COL28A1: variants seen among roughly 807,000 people sequenced by gnomAD.
The protein encoded by COL28A1 is collagen type XXVIII alpha 1 chain, also known as collagen alpha-1(XXVIII) chain.
In COL28A1, 161 loss-of-function variants were observed where a neutral mutation model predicts 150.2. That is an observed-to-expected ratio of 1.07 (90% CI 0.94 to 1.22). COL28A1 has a LOEUF of 1.22. Among genes scored for constraint, COL28A1 ranks in the 50% most tolerant of loss-of-function variants. The pLI, the probability that COL28A1 is intolerant of heterozygous loss-of-function variation, is 0.00. For synonymous variants in COL28A1, 552 were observed against 469.7 expected, an observed-to-expected ratio of 1.18 and a Z score of -2.26; for missense variants, 1,617 against 1,388.3, an observed-to-expected ratio of 1.16 and a Z score of -2.62.
At chr7:7,425,229 G>GTC (rs1177640160) in intron 25 of COL28A1, among the ~76,000 whole-genome samples, 1 of 152,120 alleles carries the variant, frequency 6.6e-6, no homozygotes, top group Non-Finnish European at 1.5e-5. Flanking sequence ...AAACCAGGCA[G>GTC]TCTGAAGCAA....
At chr7:7,399,280 G>A (rs910539017) in intron 27 of COL28A1, among the ~76,000 whole-genome samples, 3 of 152,090 alleles carry the variant, frequency 2.0e-5, no homozygotes, top group Admixed American at 2.0e-4. Flanking sequence ...ACACATCCAA[G>A]AAGTCTTCCC....
intron 25 of COL28A1, among the ~76,000 whole-genome samples, chr7:7,421,906 C>T (rs924153394): frequency 6.6e-6 from 1 of 152,148 alleles, no homozygotes; most frequent in Non-Finnish European, 1.5e-5. Context: ...CCTACTGACT[C>T]CCATCTTTGA....
At chr7:7,374,463 A>C (rs1291376967) in intron 31 of COL28A1, among the ~76,000 whole-genome samples, 3 of 152,154 alleles carry the variant, frequency 2.0e-5, no homozygotes, top group Non-Finnish European at 4.4e-5. Flanking sequence ...GGCAGCTTTC[A>C]CGTTATCAAG....
intron 27 of COL28A1, among the ~76,000 whole-genome samples, chr7:7,396,180 T>C (rs922701440): frequency 4.6e-5 from 7 of 152,192 alleles, no homozygotes. Flanking sequence ...AGCAACCCAG[T>C]GGTCTGCCAT....
chr7:7,507,092 T>C (rs1780851671), intron 10 of COL28A1, 25 bp downstream of exon 10: 2 of 1,023,176 alleles, frequency 2.0e-6, no homozygotes, highest in Non-Finnish European at 3.1e-6. Flanking sequence ...TAATTCAAAC[T>C]TAGATTTGGT....
At chr7:7,427,899 A>C (rs956466450) in intron 25 of COL28A1, among the ~76,000 whole-genome samples, 2 of 152,198 alleles carry the variant, frequency 1.3e-5, no homozygotes, top group African/African-American at 4.8e-5. Context: ...GCATCTGTGG[A>C]TCAGGGTAAG....
At chr7:7,439,510 A>G (rs1192217751) in intron 21 of COL28A1, among the ~76,000 whole-genome samples, 1 of 152,204 alleles carries the variant, frequency 6.6e-6, no homozygotes, top group Non-Finnish European at 1.5e-5. Flanking sequence ...TTATACCATG[A>G]AAAGTATCAT....
chr7:7,438,381 TC>T (rs1295483386), intron 21 of COL28A1, among the ~76,000 whole-genome samples: 2 of 151,994 alleles, frequency 1.3e-5, no homozygotes, highest in Non-Finnish European at 2.9e-5. Context: ...ATTCTCCTGT[TC>T]CATCTGGATC....
At chr7:7,376,615 A>G (rs1405850041) in intron 30 of COL28A1, among the ~76,000 whole-genome samples, 2 of 152,258 alleles carry the variant, frequency 1.3e-5, no homozygotes, top group Non-Finnish European at 2.9e-5. Context: ...CCGAAACAAG[A>G]ACATGTACAG....
chr7:7,363,414 T>A (rs371885711), intron 33 of COL28A1, among the ~76,000 whole-genome samples: 10 of 152,330 alleles, frequency 6.6e-5, no homozygotes, highest in South Asian at 6.2e-4. Flanking sequence ...CAAAATTAAC[T>A]TTAATAAATG....
intron 27 of COL28A1, among the ~76,000 whole-genome samples, chr7:7,404,535 A>G (rs374045537): frequency 4.3e-4 from 65 of 152,016 alleles, no homozygotes; most frequent in African/African-American, 1.4e-3. Flanking sequence ...TCCTGCCTCT[A>G]TAGGACCTTT....
chr7:7,516,081 TC>T (rs992217290), intron 7 of COL28A1, among the ~76,000 whole-genome samples: 1 of 152,266 alleles, frequency 6.6e-6, no homozygotes, highest in African/African-American at 2.4e-5. Context: ...CAGGTATTTT[TC>T]CATATCCAGT....
chr7:7,425,775 C>T (rs1583341694), intron 25 of COL28A1, among the ~76,000 whole-genome samples: 1 of 152,132 alleles, frequency 6.6e-6, no homozygotes, highest in Non-Finnish European at 1.5e-5. Flanking sequence ...TATCCCAAAT[C>T]ACAGATAAGA....
chr7:7,520,611 C>G (rs75783931), intron 5 of COL28A1, among the ~76,000 whole-genome samples: 1 of 152,130 alleles, frequency 6.6e-6, no homozygotes, highest in Non-Finnish European at 1.5e-5. Flanking sequence ...TAATCCTGTT[C>G]CAGAAAAGCA....
intron 15 of COL28A1, among the ~76,000 whole-genome samples, chr7:7,463,384 T>G (rs1159544202): frequency 6.6e-6 from 1 of 152,180 alleles, no homozygotes; most frequent in Non-Finnish European, 1.5e-5. Context: ...ACAAAAACCC[T>G]AGAGCAGAAG....
chr7:7,539,131 C>T (rs1782742995), upstream of COL28A1, among the ~76,000 whole-genome samples: 1 of 152,168 alleles, frequency 6.6e-6, no homozygotes, highest in Non-Finnish European at 1.5e-5. Flanking sequence ...TAGAGGAACA[C>T]TGTCTTAGTC....
chr7:7,535,407 T>A (rs948821325), intron 1 of COL28A1, among the ~76,000 whole-genome samples: 6 of 152,176 alleles, frequency 3.9e-5, no homozygotes, highest in African/African-American at 1.4e-4. Flanking sequence ...TTATTCAAAT[T>A]GACAAATTAG....
chr7:7,429,391 C>T (rs1784816815), intron 25 of COL28A1, among the ~76,000 whole-genome samples: 1 of 150,720 alleles, frequency 6.6e-6, no homozygotes, highest in Non-Finnish European at 1.5e-5. Context: ...TTGCCAGTTT[C>T]TGTCTATGAA....
At chr7:7,473,260 G>A (rs1022376358) in intron 15 of COL28A1, among the ~76,000 whole-genome samples, 5 of 152,104 alleles carry the variant, frequency 3.3e-5, no homozygotes, top group African/African-American at 1.2e-4. Context: ...ACAACCCACA[G>A]AATGGGAGAA....
Sources: allele counts gnomAD v4.1 joint callset (sites outside exome capture counted in the v4.1 genomes callset), GRCh38; gene constraint gnomAD v4.1.1; transcripts MANE v1.5; gene names NCBI Gene and HGNC (gene_info 2026-07-23, HGNC 2026-07-21).